Variants in GLDN observed in about 807,000 individuals in gnomAD.
GLDN encodes the protein collomin.
Under a neutral mutation model 56.5 loss-of-function variants are expected in GLDN, and 47 were observed. That is an observed-to-expected ratio of 0.83 (90% CI 0.66 to 1.06). The LOEUF (loss-of-function observed/expected upper bound fraction) is 1.06. Among genes scored for constraint, GLDN ranks in the 50% least tolerant of loss-of-function variants. The pLI, the probability that GLDN is intolerant of heterozygous loss-of-function variation, is 0.00. For synonymous variants in GLDN, 332 were observed against 278.8 expected, an observed-to-expected ratio of 1.19 and a Z score of -1.90; for missense variants, 782 against 714.3, an observed-to-expected ratio of 1.09 and a Z score of -1.08.
At chr15:51,367,051 C>T (rs2037418728) in intron 1 of GLDN, among the ~76,000 whole-genome samples, 1 of 152,118 alleles carries the variant, frequency 6.6e-6, no homozygotes, top group Admixed American at 6.5e-5. Flanking sequence ...TGTCACCTTT[C>T]CTATTGCATT....
Position 51,363,795 on chromosome 15 carries a change from G to A in GLDN, c.364-13654G>A, listed in dbSNP as rs114814607. Reference sequence around the variant, plus strand: ...AGGTGGTTCATTTTAGCTTGAGCACGATACAGGTAGATGCAAAGATGTCCA... The same window carrying A: ...AGGTGGTTCATTTTAGCTTGAGCACAATACAGGTAGATGCAAAGATGTCCA... On this transcript the variant is annotated intron_variant, in intron 1 of 9. Transcript: ENST00000335449. Among the ~76,000 whole-genome samples the A allele has an allele frequency of 1.1e-3, 171 of 152,310 alleles. 1 individual carries two copies. Among genetic ancestry groups the A allele is most frequent in the African/African-American group, 3.4e-3 (143 of 41,580 alleles).
intron 1 of GLDN, among the ~76,000 whole-genome samples, chr15:51,366,842 T>C (rs2037413190): frequency 6.6e-6 from 1 of 151,756 alleles, no homozygotes; most frequent in Non-Finnish European, 1.5e-5. Flanking sequence ...GGGCTGCCAC[T>C]GCACTCCAGC....
rs2038398134 is a variant in GLDN, at chr15:51,407,046, G to GA, written c.*2297dup. On this transcript the variant is annotated 3_prime_UTR_variant, in exon 10 of 10. Coordinates refer to ENST00000335449, the MANE Select transcript of GLDN (RefSeq NM_181789.4). ...TGTTAATTAGCACATATTCCTTTTAGAAAAATGTTTCAGAAACCTCAGTCT... is the reference window on the plus strand; with the variant it reads ...TGTTAATTAGCACATATTCCTTTTAGAAAAAATGTTTCAGAAACCTCAGTCT... 1 of 152,152 alleles carries GA rather than the reference G, an allele frequency of 6.6e-6. No homozygotes were observed. The highest frequency in any genetic ancestry group is 2.4e-5 in the African/African-American group (1 of 41,432). The allele number at this position is 152,152 out of a possible 1,614,324, so 9.4% of individuals were successfully genotyped here.
rs1410869526 is a variant in GLDN, at chr15:51,405,649, C to T, written c.*895C>T. ...ATGAACACTGAATCCTCAGATCACT[C>T]TGACTTCTTATGCTTCTCCTGTGGA... On this transcript the variant is annotated 3_prime_UTR_variant, in exon 10 of 10. Coordinates refer to ENST00000335449, the MANE Select transcript of GLDN (RefSeq NM_181789.4). 6.6e-6 allele frequency: 1 copy of T among 152,174 alleles called. No individual in the cohort carries two copies. The highest frequency in any genetic ancestry group is 1.5e-5 in the Non-Finnish European group (1 of 68,040). 9.4% of individuals were successfully genotyped at this position (152,174 alleles called of 1,614,324 possible). A position where few individuals can be genotyped will look rare whatever the true frequency, so the allele number is the denominator to read the frequency against.
At chr15:51,411,703 T>G (rs554972438), downstream of GLDN, among the ~76,000 whole-genome samples, 36 of 152,366 alleles carry the variant, frequency 2.4e-4, no homozygotes, top group South Asian at 6.2e-4. Flanking sequence ...CACAAAATTC[T>G]GTTTATTTGA....
At chr15:51,391,342 AT>A in intron 4 of GLDN, among the ~76,000 whole-genome samples, 1 of 152,228 alleles carries the variant, frequency 6.6e-6, no homozygotes, top group Non-Finnish European at 1.5e-5. Context: ...GGAAGGGGAA[AT>A]AAGATGATGA....
At chr15:51,356,019 A>T (rs1282172135) in intron 1 of GLDN, among the ~76,000 whole-genome samples, 1 of 149,912 alleles carries the variant, frequency 6.7e-6, no homozygotes, top group Non-Finnish European at 1.5e-5. Context: ...CATCCTGGCT[A>T]ACATGGTGAA....
At chr15:51,383,631 C>A (rs2037818399) in intron 3 of GLDN, among the ~76,000 whole-genome samples, 154 bp from the exon 4 acceptor site, 2 of 151,896 alleles carry the variant, frequency 1.3e-5, no homozygotes, top group Admixed American at 6.6e-5. Context: ...CTTGGCACTG[C>A]TTCAGCCAGA....
chr15:51,404,292 G>C lies in GLDN; in HGVS notation c.1194G>C (p.Gln398His). Residue 398 changes from glutamine (Q) to histidine (H), a missense_variant, in exon 10 of 10, where the codon CAG (glutamine) becomes CAC (histidine). By Grantham distance (24) the Gln-to-His change is conservative. Transcript: ENST00000335449. ...SNTLVRFEFGQETSQTLKLEN... is the reference protein window; with the variant it reads ...SNTLVRFEFGHETSQTLKLEN... ...CATATTTCAGATTTGAATTTGGCCAGGAAACATCCCAAACTCTGAAGCTTG... is the reference window on the plus strand; with the variant it reads ...CATATTTCAGATTTGAATTTGGCCACGAAACATCCCAAACTCTGAAGCTTG... 1.3e-6 allele frequency: 2 copies of C among 1,592,764 alleles called. No homozygotes were observed. The highest frequency in any genetic ancestry group is 1.7e-6 in the Non-Finnish European group (2 of 1,171,246).
At chr15:51,383,676 A>G in intron 3 of GLDN, 109 bp from the exon 4 acceptor site, 1 of 951,692 alleles carries the variant, frequency 1.1e-6, no homozygotes, top group Non-Finnish European at 1.5e-6. Context: ...GATGTGGAAA[A>G]GGAATTGATG....
intron 1 of GLDN, among the ~76,000 whole-genome samples, chr15:51,351,435 C>T (rs1379445771): frequency 6.6e-6 from 1 of 152,152 alleles, no homozygotes; most frequent in Non-Finnish European, 1.5e-5. Context: ...AAAACTGTCT[C>T]TCCACTCTAG....
rs1422166002 is a variant in GLDN, at chr15:51,400,433, G to A, written c.962G>A (p.Gly321Glu). 4 of 1,614,162 alleles carry A rather than the reference G, an allele frequency of 2.5e-6. No homozygotes were observed. The highest frequency in any genetic ancestry group is 3.4e-6 in the Non-Finnish European group (4 of 1,180,008). ...VQVLKVTETF[G>E]TWIRESANKS... ...GTACTGAAAGTGACAGAGACATTTG[G>A]GACTTGGATAAGAGAGTCTGCTAAC... Residue 321 changes from glycine to glutamate, a missense_variant, in exon 8 of 10, where the codon GGG (glycine) becomes GAG (glutamate). Physicochemically the swap from Gly to Glu is moderately conservative, Grantham distance 98. Transcript: ENST00000335449.
At chr15:51,385,717 G>C (rs746284195) in intron 4 of GLDN, among the ~76,000 whole-genome samples, 13 of 152,096 alleles carry the variant, frequency 8.5e-5, no homozygotes, top group Non-Finnish European at 1.8e-4. Flanking sequence ...GGTAAAAGAG[G>C]GTCTCAGGGT....
chr15:51,396,394 CA>C (rs961957118), intron 5 of GLDN, among the ~76,000 whole-genome samples: 5 of 152,104 alleles, frequency 3.3e-5, no homozygotes, highest in African/African-American at 1.2e-4. Context: ...TTTTCCAGCT[CA>C]GGGGAAAAGC....
At chr15:51,367,061 T>G (rs970420564) in intron 1 of GLDN, among the ~76,000 whole-genome samples, 5 of 152,146 alleles carry the variant, frequency 3.3e-5, no homozygotes, top group Admixed American at 6.5e-5. Context: ...CCTATTGCAT[T>G]TCCTATTTCA....
chr15:51,393,043 G>A (rs2038054884), intron 4 of GLDN, among the ~76,000 whole-genome samples: 1 of 152,194 alleles, frequency 6.6e-6, no homozygotes, highest in African/African-American at 2.4e-5. Context: ...CATTAAGGAT[G>A]ATGTTAGCTG....
At chr15:51,395,885 G>A (rs2445747) in intron 5 of GLDN, among the ~76,000 whole-genome samples, 92,921 of 151,966 alleles carry the variant, frequency 0.61, 29,029 homozygotes, top group Non-Finnish European at 0.69. Context: ...AGGGGGAGCA[G>A]GTACATCACA....
At chr15:51,351,203 GTC>G (rs2037070087) in intron 1 of GLDN, 1 of 253,396 alleles carries the variant, frequency 3.9e-6, no homozygotes, top group African/African-American at 2.3e-5. Flanking sequence ...TAGAGACAGG[GTC>G]TCACTATGTT....
chr15:51,352,740 A>C (rs1262098869), intron 1 of GLDN, among the ~76,000 whole-genome samples: 2 of 152,222 alleles, frequency 1.3e-5, no homozygotes, highest in Admixed American at 6.5e-5. Context: ...AATAGTGTGA[A>C]AATTATGACA....
Sources: gnomAD v4.1 joint callset for allele counts (sites outside exome capture counted in the v4.1 genomes callset) on GRCh38, gnomAD v4.1.1 for gene constraint, MANE v1.5 for transcripts, NCBI Gene and HGNC (gene_info 2026-07-23, HGNC 2026-07-21) for gene names.